MCM7: variants seen among roughly 807,000 people sequenced by gnomAD.
The protein encoded by MCM7 is minichromosome maintenance complex component 7, also known as DNA replication licensing factor MCM7.
MCM7 carries 95 observed loss-of-function variants against 83.5 expected under a neutral mutation model. The ratio of observed to expected loss-of-function variants is 1.14; its 90% confidence interval spans 0.96 to 1.35. MCM7 has a LOEUF of 1.35. MCM7 is among the 40% of genes most tolerant of loss of function. The pLI, the probability that MCM7 is intolerant of heterozygous loss-of-function variation, is 0.00. For missense variants in MCM7, 1,087 were observed against 957.4 expected (o/e 1.14, Z -1.79); for synonymous variants, 461 against 352.7 (o/e 1.31, Z -3.44).
At chr7:100,100,501 C>T (rs1042621950) in intron 1 of MCM7, 56 of 1,004,276 alleles carry the variant, frequency 5.6e-5, no homozygotes, top group Non-Finnish European at 6.5e-5. Context: ...CACCCCACCC[C>T]CGCTCCCGCC....
At chr7:100,098,960 C>G in intron 5 of MCM7, 63 bp downstream of exon 5, 1 of 1,596,574 alleles carries the variant, frequency 6.3e-7, no homozygotes, top group Non-Finnish European at 8.6e-7. Flanking sequence ...ATCACAGGAT[C>G]AAATTAATCT....
rs758673969 is a variant in MCM7, at chr7:100,097,836, G to A, written c.983C>T (p.Ala328Val). The A allele has an allele frequency of 1.9e-6, 3 of 1,614,114 alleles. No individual in the cohort carries two copies. The highest frequency in any genetic ancestry group is 2.2e-5 in the South Asian group (2 of 91,086). The change falls in exon 8 of 15, where the codon GCA (alanine) becomes GTA (valine). Residue 328 changes from alanine to valine, a missense_variant and splice_region_variant. By Grantham distance (64) the Ala-to-Val change is moderately conservative. Coordinates refer to ENST00000303887, the MANE Select transcript of MCM7 (RefSeq NM_005916.5). ...ELTREELRQIAEEDFYEKLAA... is the reference protein window; with the variant it reads ...ELTREELRQIVEEDFYEKLAA... Reference sequence around the variant, plus strand: ...CCTCTCTCTCCCCTGCCCCTCACCTGCAATTTGCCTCAGCTCCTCCCTGGT... The same window carrying A: ...CCTCTCTCTCCCCTGCCCCTCACCTACAATTTGCCTCAGCTCCTCCCTGGT...
At chr7:100,097,493 C>T (rs1018396336) in intron 9 of MCM7, 109 bp from the exon 10 acceptor site, 1 of 1,576,210 alleles carries the variant, frequency 6.3e-7, no homozygotes, top group Non-Finnish European at 8.7e-7. Context: ...ATTTCTAAGC[C>T]CTCCCTGTGT....
chr7:100,094,088 G>A (rs769930470), intron 13 of MCM7, 85 bp downstream of exon 13: 21 of 1,540,854 alleles, frequency 1.4e-5, no homozygotes, highest in Admixed American at 1.3e-4. Context: ...GGAGCGGGAG[G>A]TGGGGAGGCG....
chr7:100,100,287 G>C, intron 1 of MCM7, 194 bp from the exon 2 acceptor site: 2 of 1,358,684 alleles, frequency 1.5e-6, no homozygotes, highest in Admixed American at 3.1e-5. Flanking sequence ...AGAGCCCGTG[G>C]CAGTGCACAG....
At chr7:100,093,682 C>G (rs771633081) in intron 13 of MCM7, 2 of 705,348 alleles carry the variant, frequency 2.8e-6, no homozygotes, top group East Asian at 5.8e-5. Context: ...GAGACCAGAC[C>G]CTTTTGAACG....
chr7:100,095,717 T>C, intron 11 of MCM7, 57 bp downstream of exon 11: 1 of 1,505,768 alleles, frequency 6.6e-7, no homozygotes, highest in South Asian at 1.3e-5. Flanking sequence ...TCACCTCTCC[T>C]CCTCCCTACA....
chr7:100,098,037 G>A, intron 7 of MCM7, 89 bp from the exon 8 acceptor site: 4 of 1,573,408 alleles, frequency 2.5e-6, no homozygotes, highest in Non-Finnish European at 1.7e-6. Flanking sequence ...AAATCCCTGG[G>A]TTCTGTTTTG....
intron 13 of MCM7, 94 bp downstream of exon 13, chr7:100,094,079 G>A (rs1369881212): frequency 6.7e-7 from 1 of 1,493,922 alleles, no homozygotes; most frequent in Non-Finnish European, 9.3e-7. Flanking sequence ...GGCAGGGCTG[G>A]AGCGGGAGGT....
In MCM7 at chr7:100,094,293, A is replaced by G. The variant is rs1795500999; in HGVS notation, c.1728T>C (p.Ser576=). The change falls in exon 13 of 15, where the codon TCT becomes TCC. Residue 576 remains serine, a synonymous_variant. Coordinates refer to ENST00000303887, the MANE Select transcript of MCM7 (RefSeq NM_005916.5). ...CREKQPMVPE[S]LADYITAAYV... ...ATGCTGCTGTGATGTAGTCAGCCAG[A>G]GACTCTGGCACCATGGGCTGCTTCT... 6.2e-7 allele frequency: 1 copy of G among 1,614,168 alleles called. No individual in the cohort carries two copies. The highest frequency in any genetic ancestry group is 1.3e-5 in the African/African-American group (1 of 75,022).
At chr7:100,096,679 G>A (rs967523219) in intron 10 of MCM7, among the ~76,000 whole-genome samples, 1 of 152,124 alleles carries the variant, frequency 6.6e-6, no homozygotes, top group African/African-American at 2.4e-5. Context: ...GGAGGCCGAA[G>A]CAGGAGAATT....
At position 100,098,123 on chromosome 7, in the gene MCM7, T is replaced by C. The variant is rs200384511; in HGVS notation, c.870+18A>G. The C allele has an allele frequency of 9.3e-6, 15 of 1,613,318 alleles. No homozygotes were observed. The highest frequency in any genetic ancestry group is 7.7e-5 in the South Asian group (7 of 91,020). Reference sequence around the variant, plus strand: ...GGAAAAGGGGATGATCCATTCCTCATGTCAAACTCTTCCTTACCTGTACCA... The same window carrying C: ...GGAAAAGGGGATGATCCATTCCTCACGTCAAACTCTTCCTTACCTGTACCA... On this transcript the variant is annotated intron_variant, in intron 7 of 14. Transcript: ENST00000303887.
At chr7:100,093,459 A>G (rs1795433663) in intron 13 of MCM7, 58 bp from the exon 14 acceptor site, 5 of 1,488,278 alleles carry the variant, frequency 3.4e-6, no homozygotes, top group African/African-American at 1.4e-5. Context: ...GAACGAGGTC[A>G]GGGGACACCC....
intron 12 of MCM7, 90 bp downstream of exon 12, chr7:100,095,297 A>G: frequency 8.4e-7 from 1 of 1,184,020 alleles, no homozygotes; most frequent in Admixed American, 2.0e-5. Context: ...GGTGGTGTGA[A>G]AAACACACAC....
chr7:100,094,071 C>T, intron 13 of MCM7, 102 bp downstream of exon 13: 1 of 1,450,602 alleles, frequency 6.9e-7, no homozygotes, highest in Non-Finnish European at 9.7e-7. Context: ...TTAGCCCCGG[C>T]AGGGCTGGAG....
In MCM7 at chr7:100,100,832, G is replaced by A. The variant is rs1259781111; in HGVS notation, c.31+432C>T. ...GGGCGGCCTCAAACGGCCAATCCCG[G>A]CGCGCAGCGGCCCCGGCCTGCCCGC... On this transcript the variant is annotated intron_variant, in intron 1 of 14. Transcript: ENST00000303887. 3.0e-6 allele frequency: 3 copies of A among 1,005,084 alleles called. No individual in the cohort carries two copies. In the African/African-American group the frequency reaches 5.2e-5, roughly 17 times the overall value. 62.3% of individuals were successfully genotyped at this position (1,005,084 alleles called of 1,614,324 possible).
chr7:100,098,570 A>C lies in MCM7; in HGVS notation c.720+8T>G, dbSNP rs757206023. 47 of 1,614,016 alleles carry C rather than the reference A, an allele frequency of 2.9e-5. No homozygotes were observed. Among genetic ancestry groups the C allele is most frequent in the Non-Finnish European group, 3.9e-5 (46 of 1,179,988 alleles). On this transcript the variant is annotated splice_region_variant and intron_variant, in intron 6 of 14. Transcript: ENST00000303887. ...CCACCTGCCCAGGGCCACGTACCCC[A>C]AACTCACATGTTCTTGCATCTTCAT...
chr7:100,096,944 A>G (rs1795668316), intron 10 of MCM7, among the ~76,000 whole-genome samples: 1 of 151,046 alleles, frequency 6.6e-6, no homozygotes, highest in Non-Finnish European at 1.5e-5. Context: ...TATTAAAAAT[A>G]CAAAGAATTA....
Position 100,092,840 on chromosome 7 carries a change from G to C in MCM7, c.*92C>G, listed in dbSNP as rs1191110328. 9.0e-6 allele frequency: 12 copies of C among 1,331,242 alleles called. No individual in the cohort carries two copies. The highest frequency in any genetic ancestry group is 1.2e-5 in the Non-Finnish European group (11 of 932,862). 82.5% of individuals were successfully genotyped at this position (1,331,242 alleles called of 1,614,324 possible). On this transcript the variant is annotated 3_prime_UTR_variant, in exon 15 of 15. Coordinates refer to ENST00000303887, the MANE Select transcript of MCM7 (RefSeq NM_005916.5). ...TAAGTGCAGCATGGGAGAAAGAGGGGCTCCTCCTTCCCCTCAAAGGCATCA... is the reference window on the plus strand; with the variant it reads ...TAAGTGCAGCATGGGAGAAAGAGGGCCTCCTCCTTCCCCTCAAAGGCATCA...
Sources: gnomAD v4.1 joint callset for allele counts (sites outside exome capture counted in the v4.1 genomes callset) on GRCh38, gnomAD v4.1.1 for gene constraint, MANE v1.5 for transcripts, NCBI Gene and HGNC (gene_info 2026-07-23, HGNC 2026-07-21) for gene names.